CENPW: variants seen among roughly 807,000 people sequenced by gnomAD.
The protein encoded by CENPW is cancer-up-regulated gene 2 protein.
Under a neutral mutation model 11.1 loss-of-function variants are expected in CENPW, and 3 were observed. The ratio of observed to expected loss-of-function variants is 0.27; its 90% confidence interval spans 0.12 to 0.70. The LOEUF is 0.70. Among genes scored for constraint, CENPW ranks in the 30% least tolerant of loss-of-function variants. The probability of loss-of-function intolerance (pLI) is 0.77; values close to 1 mark genes in which losing one functional copy is unlikely to be tolerated. For missense variants in CENPW, 100 were observed against 105.6 expected, an observed-to-expected ratio of 0.95 and a Z score of 0.23; for synonymous variants, 38 against 42.0, an observed-to-expected ratio of 0.91 and a Z score of 0.37.
chr6:126,352,206 A>G (rs1463099442), downstream of CENPW, among the ~76,000 whole-genome samples: 1 of 152,124 alleles, frequency 6.6e-6, no homozygotes, highest in Non-Finnish European at 1.5e-5. Context: ...TTCTTACTAC[A>G]ACTTAGGGTA....
the CENPW span, among the ~76,000 whole-genome samples, chr6:126,427,877 T>C: frequency 2.0e-5 from 3 of 152,196 alleles, no homozygotes; most frequent in African/African-American, 7.2e-5. Context: ...TATGTTTGTT[T>C]TCCATGAAAC....
chr6:126,386,925 CTT>C, the CENPW span, among the ~76,000 whole-genome samples: 73 of 152,000 alleles, frequency 4.8e-4, 1 homozygote, highest in East Asian at 0.014. Flanking sequence ...TTAAAGCAGA[CTT>C]TTTGGAGTTT....
chr6:126,445,579 C>T, the CENPW span, among the ~76,000 whole-genome samples: 2 of 150,952 alleles, frequency 1.3e-5, no homozygotes, highest in Non-Finnish European at 3.0e-5. Context: ...ATTGTTATAT[C>T]CTACCATACA....
chr6:126,401,507 T>G, the CENPW span, among the ~76,000 whole-genome samples: 2 of 151,996 alleles, frequency 1.3e-5, no homozygotes, highest in African/African-American at 4.8e-5. Flanking sequence ...GAATCCTAAG[T>G]GATTCTTCCC....
the CENPW span, among the ~76,000 whole-genome samples, chr6:126,374,073 A>G: frequency 6.6e-5 from 10 of 152,168 alleles, no homozygotes; most frequent in African/African-American, 2.2e-4. Context: ...AAGGCCAGGT[A>G]TAGAGATCAC....
At chr6:126,426,793 C>T in the CENPW span, among the ~76,000 whole-genome samples, 1 of 152,088 alleles carries the variant, frequency 6.6e-6, no homozygotes, top group Admixed American at 6.6e-5. Context: ...GGCTTTTGAC[C>T]TCCTCCTTGT....
chr6:126,451,975 C>A, the CENPW span, among the ~76,000 whole-genome samples: 1 of 150,948 alleles, frequency 6.6e-6, no homozygotes, highest in African/African-American at 2.4e-5. Context: ...ATGAATTAAC[C>A]AATAGACCCC....
chr6:126,442,283 C>CT, the CENPW span, among the ~76,000 whole-genome samples: 2 of 151,484 alleles, frequency 1.3e-5, no homozygotes, highest in East Asian at 2.0e-4. Flanking sequence ...GATCTTAGCC[C>CT]TTTTTTTGAT....
chr6:126,447,873 C>T, the CENPW span, among the ~76,000 whole-genome samples: 1 of 151,290 alleles, frequency 6.6e-6, no homozygotes, highest in Non-Finnish European at 1.5e-5. Flanking sequence ...GTGTTTACAA[C>T]CACCTCTTAT....
chr6:126,457,364 T>C, the CENPW span, among the ~76,000 whole-genome samples: 17 of 151,554 alleles, frequency 1.1e-4, no homozygotes, highest in Admixed American at 1.1e-3. Context: ...ATATACACCA[T>C]AGAATACTAT....
the CENPW span, among the ~76,000 whole-genome samples, chr6:126,419,373 A>G: frequency 6.6e-6 from 1 of 152,148 alleles, no homozygotes; most frequent in Non-Finnish European, 1.5e-5. Context: ...AAAATGCAAA[A>G]TTTACACATG....
chr6:126,441,895 A>C, the CENPW span, among the ~76,000 whole-genome samples: 1 of 151,522 alleles, frequency 6.6e-6, no homozygotes, highest in Non-Finnish European at 1.5e-5. Flanking sequence ...GCCGTTGTGA[A>C]TTGTGCTGCT....
At chr6:126,417,155 T>G in the CENPW span, among the ~76,000 whole-genome samples, 1 of 152,202 alleles carries the variant, frequency 6.6e-6, no homozygotes, top group Non-Finnish European at 1.5e-5. Context: ...GGAGATCATT[T>G]TGGAGCTTTA....
downstream of CENPW, among the ~76,000 whole-genome samples, chr6:126,352,155 T>C (rs754589855): frequency 6.6e-5 from 10 of 152,144 alleles, no homozygotes; most frequent in African/African-American, 2.2e-4. Flanking sequence ...TAAAGCTTTA[T>C]TGGAACACAG....
chr6:126,360,334 TTCTC>T, the CENPW span, among the ~76,000 whole-genome samples: 1 of 152,174 alleles, frequency 6.6e-6, no homozygotes, highest in Non-Finnish European at 1.5e-5. Flanking sequence ...GGCCTGACCT[TTCTC>T]TCTAGGTGTG....
chr6:126,394,577 G>C, the CENPW span, among the ~76,000 whole-genome samples: 6 of 151,912 alleles, frequency 3.9e-5, no homozygotes, highest in Non-Finnish European at 5.9e-5. Flanking sequence ...CACAATTACA[G>C]TGTTATAATA....
At position 126,348,522 on chromosome 6, in the gene CENPW, G is replaced by T. The variant is rs1161778820; in HGVS notation, c.*30G>T. 7.3e-7 allele frequency: 1 copy of T among 1,374,664 alleles called. No homozygotes were observed. Among genetic ancestry groups the T allele is most frequent in the South Asian group, 1.2e-5 (1 of 84,556 alleles). 85.2% of individuals were successfully genotyped at this position (1,374,664 alleles called of 1,614,324 possible). On this transcript the variant is annotated 3_prime_UTR_variant, in exon 3 of 3. Transcript: ENST00000368328. ...CAAAGAACATATTCTTGAAAGTTAT[G>T]ATGCATTCTTTTGGGTGGTAACAGA...
the CENPW span, among the ~76,000 whole-genome samples, chr6:126,361,369 G>A: frequency 6.6e-6 from 1 of 151,808 alleles, no homozygotes; most frequent in Non-Finnish European, 1.5e-5. Flanking sequence ...GCGCAGTCCC[G>A]GCTCACTGCA....
chr6:126,382,235 C>CAA, the CENPW span, among the ~76,000 whole-genome samples: 289 of 148,864 alleles, frequency 1.9e-3, 6 homozygotes, highest in Non-Finnish European at 9.1e-4. Context: ...AAATCCATCT[C>CAA]AAAAAAAATA....
Sources: allele counts gnomAD v4.1 joint callset (sites outside exome capture counted in the v4.1 genomes callset), GRCh38; gene constraint gnomAD v4.1.1; transcripts MANE v1.5; gene names NCBI Gene and HGNC (gene_info 2026-07-23, HGNC 2026-07-21).